The following GALNT13 variants were observed in gnomAD, a reference collection of about 807,000 sequenced individuals.
GALNT13 encodes UDP-GalNAc:polypeptide N-acetylgalactosaminyltransferase 13.
In GALNT13, 28 loss-of-function variants were observed where a neutral mutation model predicts 64.2. That is an observed-to-expected ratio of 0.44 (90% CI 0.32 to 0.60). The LOEUF is 0.60. Ranked by LOEUF, GALNT13 falls within the 20% of genes least tolerant of loss-of-function variation. The pLI is 0.05. For synonymous variants in GALNT13, 214 were observed against 224.6 expected (o/e 0.95, Z 0.42); for missense variants, 577 against 669.8 (o/e 0.86, Z 1.53).
the GALNT13 span, among the ~76,000 whole-genome samples, chr2:153,275,686 T>C: frequency 6.6e-6 from 1 of 152,226 alleles, no homozygotes; most frequent in East Asian, 1.9e-4. Context: ...TGTAAAGCAT[T>C]CCATAATAAG....
chr2:154,346,975 A>G (rs1017831292), intron 9 of GALNT13, among the ~76,000 whole-genome samples: 2 of 152,016 alleles, frequency 1.3e-5, no homozygotes, highest in African/African-American at 4.8e-5. Context: ...ATTTTTGTCA[A>G]CTACTCCAAA....
chr2:153,921,149 ACT>A (rs1689729740), intron 2 of GALNT13, among the ~76,000 whole-genome samples: 1 of 152,026 alleles, frequency 6.6e-6, no homozygotes, highest in African/African-American at 2.4e-5. Context: ...AATATAAATC[ACT>A]CTACCATAAA....
chr2:154,320,777 G>C (rs367753605), intron 9 of GALNT13, among the ~76,000 whole-genome samples: 1 of 152,042 alleles, frequency 6.6e-6, no homozygotes, highest in South Asian at 2.1e-4. Context: ...TCTACTTTCA[G>C]ATGCCATCTT....
intron 10 of GALNT13, among the ~76,000 whole-genome samples, chr2:154,404,641 T>A (rs935286748): frequency 2.0e-5 from 3 of 152,072 alleles, no homozygotes; most frequent in African/African-American, 7.2e-5. Context: ...GAAAAAAAAC[T>A]CCTCTCTAAT....
intron 11 of GALNT13, among the ~76,000 whole-genome samples, chr2:154,426,552 T>C (rs1483499268): frequency 6.6e-6 from 1 of 152,186 alleles, no homozygotes; most frequent in African/African-American, 2.4e-5. Context: ...ACTCGTGGGA[T>C]ATATTTTGGA....
At chr2:153,266,120 T>C in the GALNT13 span, among the ~76,000 whole-genome samples, 3 of 152,224 alleles carry the variant, frequency 2.0e-5, no homozygotes, top group African/African-American at 7.2e-5. Context: ...CATTGTATAT[T>C]CACTTTATGG....
At chr2:153,222,454 C>G in the GALNT13 span, among the ~76,000 whole-genome samples, 3 of 110,116 alleles carry the variant, frequency 2.7e-5, no homozygotes, top group Non-Finnish European at 5.7e-5. Context: ...GCCTCAGATT[C>G]CACCAGGAGC....
intron 12 of GALNT13, among the ~76,000 whole-genome samples, chr2:154,443,381 A>T (rs973464529): frequency 6.6e-6 from 1 of 152,102 alleles, no homozygotes; most frequent in South Asian, 2.1e-4. Flanking sequence ...ACTTTGTTAT[A>T]TTAATTTTTA....
chr2:154,395,897 A>T, intron 9 of GALNT13, 94 bp from the exon 10 acceptor site: 1 of 1,146,128 alleles, frequency 8.7e-7, no homozygotes, highest in South Asian at 2.2e-5. Context: ...TGCTGGAATT[A>T]TGAAGAAGAA....
At chr2:153,589,271 C>A in the GALNT13 span, among the ~76,000 whole-genome samples, 1 of 152,208 alleles carries the variant, frequency 6.6e-6, no homozygotes, top group Admixed American at 6.5e-5. Flanking sequence ...ACAGAGTTAC[C>A]TTTGCTTCAG....
intron 3 of GALNT13, among the ~76,000 whole-genome samples, chr2:154,083,191 T>C (rs1202702166): frequency 1.3e-5 from 2 of 152,090 alleles, no homozygotes; most frequent in African/African-American, 2.4e-5. Flanking sequence ...TTGCTTGTTT[T>C]TGTCAGGTTT....
the GALNT13 span, among the ~76,000 whole-genome samples, chr2:153,201,961 C>T: frequency 6.6e-6 from 1 of 150,380 alleles, no homozygotes; most frequent in African/African-American, 2.5e-5. Context: ...TGGCCCCTCT[C>T]TCCACCCATT....
chr2:153,367,243 A>T, the GALNT13 span, among the ~76,000 whole-genome samples: 3 of 152,138 alleles, frequency 2.0e-5, no homozygotes, highest in South Asian at 6.2e-4. Flanking sequence ...ATCATATATA[A>T]AAGTAAAGGG....
the GALNT13 span, among the ~76,000 whole-genome samples, chr2:153,479,449 G>A: frequency 6.6e-6 from 1 of 152,184 alleles, no homozygotes; most frequent in Non-Finnish European, 1.5e-5. Context: ...AGCAAGGCAG[G>A]TTTTACCGTG....
intron 9 of GALNT13, among the ~76,000 whole-genome samples, chr2:154,320,418 T>C (rs1339066386): frequency 6.6e-6 from 1 of 152,188 alleles, no homozygotes; most frequent in Non-Finnish European, 1.5e-5. Flanking sequence ...ACAGAGAAAG[T>C]AAGCAATTAA....
chr2:153,948,920 A>T (rs987434747), intron 3 of GALNT13, among the ~76,000 whole-genome samples: 5 of 152,112 alleles, frequency 3.3e-5, no homozygotes, highest in African/African-American at 9.7e-5. Context: ...GGTGATGAAT[A>T]AGTGTGTACA....
At chr2:153,841,957 C>G in the GALNT13 span, among the ~76,000 whole-genome samples, 61 of 152,184 alleles carry the variant, frequency 4.0e-4, no homozygotes, top group African/African-American at 1.3e-3. Context: ...AAAAGGAAGA[C>G]AAATGAGGCT....
chr2:154,324,344 G>T (rs933275987), intron 9 of GALNT13, among the ~76,000 whole-genome samples: 1 of 151,848 alleles, frequency 6.6e-6, no homozygotes, highest in Non-Finnish European at 1.5e-5. Context: ...TACATGCAAA[G>T]GGTATAATTT....
At chr2:153,431,226 G>A in the GALNT13 span, among the ~76,000 whole-genome samples, 1 of 151,020 alleles carries the variant, frequency 6.6e-6, no homozygotes, top group Non-Finnish European at 1.5e-5. Context: ...TGATGTTATA[G>A]TTGCCTAGTT....
Sources: gnomAD v4.1 joint callset for allele counts (sites outside exome capture counted in the v4.1 genomes callset) on GRCh38, gnomAD v4.1.1 for gene constraint, MANE v1.5 for transcripts, NCBI Gene and HGNC (gene_info 2026-07-23, HGNC 2026-07-21) for gene names.